CD200R1: variants seen among roughly 807,000 people sequenced by gnomAD.
CD200R1 encodes the protein CD200 receptor 1.
Under a neutral mutation model 38.1 loss-of-function variants are expected in CD200R1, and 30 were observed. That is an observed-to-expected ratio of 0.79 (90% confidence interval 0.59 to 1.07). The LOEUF (loss-of-function observed/expected upper bound fraction) is 1.07, where lower values mean the gene tolerates loss of function less well. Among genes scored for constraint, CD200R1 ranks in the 50% least tolerant of loss-of-function variants. The pLI, the probability that CD200R1 is intolerant of heterozygous loss-of-function variation, is 0.00. For missense variants in CD200R1, 372 were observed against 415.4 expected (o/e 0.90, Z 0.91); for synonymous variants, 128 against 152.1 (o/e 0.84, Z 1.16).
intron 2 of CD200R1, among the ~76,000 whole-genome samples, chr3:112,939,807 T>C (rs144589539): frequency 5.9e-4 from 72 of 122,454 alleles, no homozygotes; most frequent in African/African-American, 2.2e-3. Flanking sequence ...TCCTGAAATT[T>C]ACATGGAACC....
intron 2 of CD200R1, among the ~76,000 whole-genome samples, chr3:112,938,389 A>G (rs1940636264): frequency 6.6e-6 from 1 of 152,158 alleles, no homozygotes; most frequent in African/African-American, 2.4e-5. Context: ...AAAAGAGAAA[A>G]AACCAAATTA....
At chr3:112,947,955 G>A in intron 1 of CD200R1, 31 bp from the exon 2 acceptor site, 1 of 1,418,980 alleles carries the variant, frequency 7.0e-7, no homozygotes, top group Non-Finnish European at 1.0e-6. Context: ...AGGGGGTAGA[G>A]AGAGAAATAT....
In CD200R1 at chr3:112,923,553, TCTTCTAAGAACCTTGGAAAAC is replaced by T; in HGVS notation, c.*103_*123del. On this transcript the variant is annotated 3_prime_UTR_variant, in exon 8 of 8. Transcript: ENST00000308611. ...GTATGAATGAGAATCCATTAAAATGTCTTCTAAGAACCTTGGAAAACCTAATTTCAATATAAGTCTTCATTC... is the reference window on the plus strand; with the variant it reads ...GTATGAATGAGAATCCATTAAAATGTCTAATTTCAATATAAGTCTTCATTC... 1.8e-6 allele frequency: 1 copy of T among 550,022 alleles called. No individual in the cohort carries two copies. Among genetic ancestry groups the T allele is most frequent in the South Asian group, 2.8e-5 (1 of 36,238 alleles). 34.1% of individuals were successfully genotyped at this position (550,022 alleles called of 1,614,324 possible).
chr3:112,971,301 G>A (rs1933303803), intron 1 of CD200R1, among the ~76,000 whole-genome samples: 1 of 152,122 alleles, frequency 6.6e-6, no homozygotes, highest in Non-Finnish European at 1.5e-5. Flanking sequence ...AACAAAATCT[G>A]TACATGTTCA....
Position 112,923,782 on chromosome 3 carries a change from A to G in CD200R1, c.942T>C (p.Tyr314=), listed in dbSNP as rs963273537. The change falls in exon 8 of 8, where the codon TAT becomes TAC. Residue 314 remains tyrosine (Y), a synonymous_variant. Coordinates refer to ENST00000308611, the MANE Select transcript of CD200R1 (RefSeq NM_138806.4). ...GATTGTTCTTCTCTGTGTAGCTGGC[A>G]TAGGGCTGCATTTCATCCTAAGAAA... is the stretch of plus-strand genomic sequence containing the variant. ...PVVEEDEMQP[Y]ASYTEKNNPL... is the part of the protein sequence containing the mutation. 7.5e-6 allele frequency: 12 copies of G among 1,591,318 alleles called. No individual in the cohort carries two copies. The Admixed American group carries it at 1.6e-4, about 22-fold the overall frequency.
intron 5 of CD200R1, 110 bp from the exon 6 acceptor site, chr3:112,925,303 G>A (rs1940257645): frequency 3.3e-6 from 2 of 597,882 alleles, no homozygotes; most frequent in Non-Finnish European, 5.9e-6. Flanking sequence ...AAGACATAGA[G>A]GAATTTCAAA....
intron 3 of CD200R1, among the ~76,000 whole-genome samples, chr3:112,930,539 C>T (rs6438118): frequency 0.59 from 88,998 of 151,674 alleles, 26,479 homozygotes; most frequent in African/African-American, 0.69. Context: ...TCCCATAAAT[C>T]GACACAATGT....
chr3:112,939,092 T>G (rs1377643784), intron 2 of CD200R1, among the ~76,000 whole-genome samples: 1 of 151,950 alleles, frequency 6.6e-6, no homozygotes, highest in East Asian at 1.9e-4. Context: ...CACTAAAAAC[T>G]TTCAATAAAT....
At chr3:112,959,020 T>C (rs751613416) in intron 1 of CD200R1, among the ~76,000 whole-genome samples, 15 of 152,170 alleles carry the variant, frequency 9.9e-5, no homozygotes, top group Non-Finnish European at 1.8e-4. Flanking sequence ...AAACAGCACA[T>C]GATTTTCTTG....
intron 2 of CD200R1, among the ~76,000 whole-genome samples, chr3:112,945,468 A>G (rs1940826863): frequency 6.6e-6 from 1 of 152,250 alleles, no homozygotes; most frequent in African/African-American, 2.4e-5. Flanking sequence ...AGTCTTTTGA[A>G]CAAATGGTGT....
At chr3:112,960,750 A>G (rs1268924829) in intron 1 of CD200R1, among the ~76,000 whole-genome samples, 1 of 152,044 alleles carries the variant, frequency 6.6e-6, no homozygotes, top group Non-Finnish European at 1.5e-5. Flanking sequence ...GGGGGATATA[A>G]CTGGGGAGGA....
rs767327209 is a variant in CD200R1 at position 112,929,047 on chromosome 3, G to A, written c.538C>T (p.Leu180=). Residue 180 remains leucine (L), a synonymous_variant, in exon 5 of 8, where the codon CTG becomes TTG. Transcript: ENST00000308611. ...LQVLVTPEVT[L]FQNRNRTAVC... ...GCAGTTCTATTCCTGTTTTGAAACA[G>A]GGTCACTTCAGGTGTAACTGCAGAG... 1.9e-6 allele frequency: 3 copies of A among 1,613,890 alleles called. No homozygotes were observed. The South Asian group carries it at 3.3e-5, about 18-fold the overall frequency.
At chr3:112,969,171 C>T (rs1193898665) in intron 1 of CD200R1, among the ~76,000 whole-genome samples, 1 of 151,872 alleles carries the variant, frequency 6.6e-6, no homozygotes, top group Non-Finnish European at 1.5e-5. Context: ...AATACAATAT[C>T]TAAAATAATA....
At chr3:112,931,224 G>A (rs954119170) in intron 2 of CD200R1, 53 bp from the exon 3 acceptor site, 35 of 1,119,624 alleles carry the variant, frequency 3.1e-5, no homozygotes, top group Non-Finnish European at 5.5e-6. Context: ...TACTCAGAGT[G>A]GAAGCCAGTA....
intron 1 of CD200R1, among the ~76,000 whole-genome samples, chr3:112,965,507 A>C (rs953831663): frequency 6.6e-6 from 1 of 152,154 alleles, no homozygotes; most frequent in Non-Finnish European, 1.5e-5. Flanking sequence ...TCATGCCTGT[A>C]ATCCCAGCAC....
chr3:112,925,277 G>C (rs1037335243), intron 5 of CD200R1, 84 bp from the exon 6 acceptor site: 2 of 675,810 alleles, frequency 3.0e-6, no homozygotes, highest in African/African-American at 3.8e-5. Flanking sequence ...AAAGAAATGA[G>C]CTATCAAACC....
In CD200R1 at chr3:112,922,973, T is replaced by G. The variant is rs1474421852; in HGVS notation, c.*704A>C. On this transcript the variant is annotated 3_prime_UTR_variant, in exon 8 of 8. Transcript: ENST00000308611. ...AGATATACTCAAAAACAAAGAGATA[T>G]ATGCACAAGAAACATTCTATGTGGT... 2 of 151,870 alleles carry G rather than the reference T, an allele frequency of 1.3e-5. No homozygotes were observed. Among genetic ancestry groups the G allele is most frequent in the Non-Finnish European group, 2.9e-5 (2 of 67,848 alleles). The allele number at this position is 151,870 out of a possible 1,614,324, so 9.4% of individuals were successfully genotyped here.
At chr3:112,969,080 C>T (rs1933235779) in intron 1 of CD200R1, among the ~76,000 whole-genome samples, 1 of 151,606 alleles carries the variant, frequency 6.6e-6, no homozygotes, top group Admixed American at 6.6e-5. Flanking sequence ...TATATACTCA[C>T]AATGAATGAA....
intron 1 of CD200R1, among the ~76,000 whole-genome samples, chr3:112,967,929 A>G (rs1165452893): frequency 6.6e-6 from 1 of 152,238 alleles, no homozygotes; most frequent in Non-Finnish European, 1.5e-5. Context: ...CATGTATAAA[A>G]TGAAAGATTT....
Sources: allele counts gnomAD v4.1 joint callset (sites outside exome capture counted in the v4.1 genomes callset), GRCh38; gene constraint gnomAD v4.1.1; transcripts MANE v1.5; gene names NCBI Gene and HGNC (gene_info 2026-07-23, HGNC 2026-07-21).